Variants in RORA observed in about 807,000 individuals in gnomAD.
The protein encoded by RORA is RAR related orphan receptor A.
In RORA, 7 loss-of-function variants were observed where a neutral mutation model predicts 69.5. The observed-to-expected ratio is 0.10, with a 90% confidence interval of 0.06 to 0.19. The LOEUF is 0.19. Among genes scored for constraint, RORA ranks in the 10% least tolerant of loss-of-function variants. The probability of loss-of-function intolerance (pLI) is 1.00; values close to 1 mark genes in which losing one functional copy is unlikely to be tolerated. For synonymous variants in RORA, 261 were observed against 240.8 expected, an observed-to-expected ratio of 1.08 and a Z score of -0.78; for missense variants, 457 against 663.0, an observed-to-expected ratio of 0.69 and a Z score of 3.41.
chr15:60,807,683 C>T (rs62004361), intron 1 of RORA, among the ~76,000 whole-genome samples: 28,640 of 152,050 alleles, frequency 0.19, 3,303 homozygotes, highest in Non-Finnish European at 0.26. Flanking sequence ...CTATACTATA[C>T]GGCCATAGTC....
At chr15:60,867,198 G>C (rs1039948868) in intron 1 of RORA, among the ~76,000 whole-genome samples, 14 of 152,140 alleles carry the variant, frequency 9.2e-5, no homozygotes, top group African/African-American at 3.4e-4. Context: ...CAGTAATTTA[G>C]TAAGAAAACT....
chr15:60,820,796 T>C lies in RORA; in HGVS notation c.167-142110A>G, dbSNP rs1188154508. On this transcript the variant is annotated intron_variant, in intron 1 of 10. Transcript: ENST00000335670. ...TTGGTTTTTCATTACTGAGGTTCCC[T>C]TGACTATATAGTATCTCACAATGTC... Among the ~76,000 whole-genome samples the C allele has an allele frequency of 3.3e-5, 5 of 152,216 alleles. No homozygotes were observed. The East Asian group carries it at 9.6e-4, about 29-fold the overall frequency.
At chr15:60,503,757 C>T (rs1567040726) in intron 6 of RORA, 90 bp from the exon 7 acceptor site, 1 of 1,490,772 alleles carries the variant, frequency 6.7e-7, no homozygotes, top group Non-Finnish European at 9.2e-7. Flanking sequence ...AAGCATGCCA[C>T]TGCTTTAGCC....
intron 1 of RORA, among the ~76,000 whole-genome samples, chr15:60,923,394 C>T (rs750323851): frequency 1.3e-5 from 2 of 152,176 alleles, no homozygotes; most frequent in Non-Finnish European, 2.9e-5. Context: ...GCACCTGGCA[C>T]ATAGTGGGCC....
intron 1 of RORA, among the ~76,000 whole-genome samples, chr15:60,726,445 C>T (rs1567170527): frequency 6.6e-6 from 1 of 152,174 alleles, no homozygotes; most frequent in Non-Finnish European, 1.5e-5. Context: ...GTGTGCAAGG[C>T]AGTTTGCCAC....
intron 1 of RORA, among the ~76,000 whole-genome samples, chr15:61,221,108 C>T (rs2080091362): frequency 6.6e-6 from 1 of 152,214 alleles, no homozygotes; most frequent in Admixed American, 6.5e-5. Flanking sequence ...ATTGTAAAGT[C>T]ACCTTCAGGA....
chr15:61,065,283 C>T (rs1417656785), intron 1 of RORA, among the ~76,000 whole-genome samples: 2 of 152,164 alleles, frequency 1.3e-5, no homozygotes, highest in African/African-American at 4.8e-5. Context: ...AAGGTGGGGG[C>T]CATATCTGTA....
intron 1 of RORA, among the ~76,000 whole-genome samples, chr15:60,689,254 A>G (rs906902718): frequency 8.5e-5 from 13 of 152,150 alleles, no homozygotes; most frequent in African/African-American, 3.1e-4. Flanking sequence ...TCTATTATCT[A>G]AGCAATGTTA....
intron 1 of RORA, among the ~76,000 whole-genome samples, chr15:60,950,591 A>T (rs2140333473): frequency 7.4e-6 from 1 of 134,912 alleles, no homozygotes; most frequent in Admixed American, 7.9e-5. Flanking sequence ...AGGATGGAGG[A>T]AGATCTACCA....
chr15:60,512,549 C>T (rs1283005508), intron 4 of RORA, among the ~76,000 whole-genome samples: 1 of 152,186 alleles, frequency 6.6e-6, no homozygotes, highest in African/African-American at 2.4e-5. Context: ...CTCATCCTCC[C>T]AAAGTGCTGG....
chr15:60,722,683 A>C (rs905825318), intron 1 of RORA, among the ~76,000 whole-genome samples: 2 of 152,148 alleles, frequency 1.3e-5, no homozygotes, highest in Non-Finnish European at 1.5e-5. Flanking sequence ...TCCGTGCCAG[A>C]TCTCACAAAC....
intron 4 of RORA, among the ~76,000 whole-genome samples, chr15:60,512,386 G>C (rs781052689): frequency 2.6e-5 from 4 of 152,150 alleles, no homozygotes; most frequent in Non-Finnish European, 4.4e-5. Flanking sequence ...CCTAAGGTTT[G>C]AGCGATCCTC....
intron 1 of RORA, among the ~76,000 whole-genome samples, chr15:61,087,563 C>T (rs550134786): frequency 4.6e-5 from 7 of 152,292 alleles, no homozygotes; most frequent in Admixed American, 1.3e-4. Flanking sequence ...ATACTAATCA[C>T]GAATTTCTGC....
At chr15:61,208,325 C>G (rs1024137455) in intron 1 of RORA, among the ~76,000 whole-genome samples, 2 of 152,096 alleles carry the variant, frequency 1.3e-5, no homozygotes, top group Non-Finnish European at 2.9e-5. Flanking sequence ...GTATATGATT[C>G]CACTTAAATG....
At chr15:60,680,116 T>C (rs1204914063) in intron 1 of RORA, among the ~76,000 whole-genome samples, 2 of 152,224 alleles carry the variant, frequency 1.3e-5, no homozygotes, top group Non-Finnish European at 2.9e-5. Context: ...AAGTTTAAAA[T>C]CTGAATACAA....
At chr15:60,639,418 G>A (rs980975372) in intron 2 of RORA, among the ~76,000 whole-genome samples, 1 of 152,130 alleles carries the variant, frequency 6.6e-6, no homozygotes, top group South Asian at 2.1e-4. Flanking sequence ...TTCGTGGGGT[G>A]TAGAGCAAGG....
chr15:60,980,399 T>C (rs1416322045), intron 1 of RORA, among the ~76,000 whole-genome samples: 5 of 152,164 alleles, frequency 3.3e-5, no homozygotes, highest in African/African-American at 1.2e-4. Flanking sequence ...CCTCACAGAA[T>C]GAGTTAGAAA....
chr15:60,644,419 G>A lies in RORA; in HGVS notation c.196+34238C>T, dbSNP rs141513313. Reference sequence around the variant, plus strand: ...TTGGGGGGCTGACGGCCCCAGATACGTCTCTTCTTGGAAGAAGATTATATT... The same window carrying A: ...TTGGGGGGCTGACGGCCCCAGATACATCTCTTCTTGGAAGAAGATTATATT... On this transcript the variant is annotated intron_variant, in intron 2 of 10. Coordinates refer to ENST00000335670, the MANE Select transcript of RORA (RefSeq NM_134261.3). 4.3e-3 allele frequency among the ~76,000 whole-genome samples: 649 copies of A among 152,274 alleles called. 1 individual carries two copies. The highest frequency in any genetic ancestry group is 0.015 in the African/African-American group (617 of 41,558).
At chr15:60,569,809 G>A (rs1473727567) in intron 2 of RORA, among the ~76,000 whole-genome samples, 1 of 152,138 alleles carries the variant, frequency 6.6e-6, no homozygotes, top group African/African-American at 2.4e-5. Context: ...AGAGAGCAGG[G>A]CCAAGCAGCT....
Sources: gnomAD v4.1 joint callset for allele counts (sites outside exome capture counted in the v4.1 genomes callset) on GRCh38, gnomAD v4.1.1 for gene constraint, MANE v1.5 for transcripts, NCBI Gene and HGNC (gene_info 2026-07-23, HGNC 2026-07-21) for gene names.